The following EML5 variants were observed in gnomAD, a reference collection of about 807,000 sequenced individuals.
The protein encoded by EML5 is EMAP like 5.
EML5 carries 120 observed loss-of-function variants against 250.0 expected under a neutral mutation model. That is an observed-to-expected ratio of 0.48 (90% CI 0.41 to 0.56). The LOEUF (loss-of-function observed/expected upper bound fraction) is 0.56, where lower values mean the gene tolerates loss of function less well. EML5 is among the 20% of genes least tolerant of loss of function. The pLI is 0.00. For synonymous variants in EML5, 771 were observed against 806.5 expected (o/e 0.96, Z 0.75); for missense variants, 2,006 against 2,437.6 (o/e 0.82, Z 3.73).
At chr14:88,726,860 T>A (rs900183308) in intron 7 of EML5, among the ~76,000 whole-genome samples, 182 bp from the exon 8 acceptor site, 1 of 152,204 alleles carries the variant, frequency 6.6e-6, no homozygotes, top group African/African-American at 2.4e-5. Flanking sequence ...CAGAAGTTGA[T>A]AGAATCTTTT....
intron 21 of EML5, among the ~76,000 whole-genome samples, chr14:88,677,327 T>C (rs150202813): frequency 0.044 from 6,652 of 152,220 alleles, 484 homozygotes; most frequent in African/African-American, 0.15. Context: ...GACTTAAATG[T>C]AAAACCCAAA....
At position 88,622,663 on chromosome 14, in the gene EML5, C is replaced by T; in HGVS notation, c.4954G>A (p.Ala1652Thr). The change falls in exon 37 of 44, where the codon GCC (alanine) becomes ACC (threonine). Residue 1652 changes from alanine (A) to threonine (T), a missense_variant. Physicochemically the swap from Ala to Thr is moderately conservative, Grantham distance 58. Around this residue, in one of 7 missense-constraint regions of EML5, gnomAD observed 405 missense variants for 523.3 expected, o/e 0.77. Transcript: ENST00000554922. ...GCTTGTCCTGTCTCAAGCCTGAAGG[C>T]ACGGCACCGCCTCAGTTCCTGATCC... ...LWDQELRRCR[A>T]FRLETGQATD... 6.2e-7 allele frequency: 1 copy of T among 1,611,286 alleles called. No homozygotes were observed. The highest frequency in any genetic ancestry group is 2.2e-5 in the East Asian group (1 of 44,766).
Position 88,702,527 on chromosome 14 carries a change from T to C in EML5, c.2157A>G (p.Thr719=). The C allele has an allele frequency of 6.2e-6, 10 of 1,613,398 alleles. No individual in the cohort carries two copies. The highest frequency in any genetic ancestry group is 1.1e-5 in the South Asian group (1 of 91,006). The change falls in exon 14 of 44, where the codon ACA becomes ACG. Residue 719 remains threonine, a synonymous_variant. Transcript: ENST00000554922. Reference sequence around the variant, plus strand: ...CATCATGACCCAGATAAAAACGCTGTGTGTTTTGCTGTCGATTATAAATGA... The same window carrying C: ...CATCATGACCCAGATAAAAACGCTGCGTGTTTTGCTGTCGATTATAAATGA... ...VGVIYNRQQN[T]QRFYLGHDDD...
At chr14:88,618,465 C>A in intron 40 of EML5, 134 bp from the exon 41 acceptor site, 1 of 1,097,520 alleles carries the variant, frequency 9.1e-7, no homozygotes, top group Non-Finnish European at 1.3e-6. Context: ...AAGATCACTA[C>A]AAAAACTTAA....
chr14:88,779,956 A>T (rs567066547), intron 1 of EML5, among the ~76,000 whole-genome samples: 49 of 149,390 alleles, frequency 3.3e-4, no homozygotes, highest in South Asian at 8.5e-4. Flanking sequence ...CTGAAAAAAA[A>T]TTTTTTTTTT....
rs1185652706 is a variant in EML5, at chr14:88,688,414, T to G, written c.2599A>C (p.Met867Leu). Residue 867 changes from methionine to leucine, a missense_variant, in exon 18 of 44, where the codon ATG (methionine) becomes CTG (leucine). Physicochemically the swap from Met to Leu is conservative, Grantham distance 15 (BLOSUM62 2). Transcript: ENST00000554922. The stretch of plus-strand genomic sequence containing the variant: ...TCAGTCCATCCATACACTGCACACA[T>G]CATTGTGTCATTTTTCCCCAGTGTG... ...IGTLGKNDTM[M>L]CAVYGWTEEM... 2 of 1,614,024 alleles carry G rather than the reference T, an allele frequency of 1.2e-6. No homozygotes were observed. The highest frequency in any genetic ancestry group is 4.5e-5 in the East Asian group (2 of 44,878).
chr14:88,637,840 T>C (rs545813977), intron 32 of EML5, among the ~76,000 whole-genome samples: 1 of 152,346 alleles, frequency 6.6e-6, no homozygotes, highest in East Asian at 1.9e-4. Flanking sequence ...TAGACCTATG[T>C]ATTTATATGC....
chr14:88,685,715 G>A (rs1338646811), intron 19 of EML5, among the ~76,000 whole-genome samples: 1 of 152,020 alleles, frequency 6.6e-6, no homozygotes, highest in Non-Finnish European at 1.5e-5. Context: ...CTCCCAAAGT[G>A]TTGGGATTAC....
intron 24 of EML5, among the ~76,000 whole-genome samples, chr14:88,662,337 TTG>T (rs2092136138): frequency 1.7e-5 from 2 of 115,802 alleles, no homozygotes; most frequent in Non-Finnish European, 3.6e-5. Context: ...ACAATTTTTC[TTG>T]TTTTTTTTTT....
chr14:88,662,287 A>T (rs1192165174), intron 24 of EML5, among the ~76,000 whole-genome samples: 5 of 54,948 alleles, frequency 9.1e-5, no homozygotes, highest in African/African-American at 2.1e-4. Flanking sequence ...GATAAAAAAT[A>T]AAAAAAAAAA....
rs186505612 is a variant in EML5 at position 88,652,518 on chromosome 14, C to T, written c.4005-2592G>A. Among the ~76,000 whole-genome samples the T allele has an allele frequency of 3.3e-5, 5 of 152,288 alleles. No individual in the cohort carries two copies. In the East Asian group the frequency reaches 9.7e-4, roughly 29 times the overall value. On this transcript the variant is annotated intron_variant, in intron 27 of 43. Coordinates refer to ENST00000554922, the MANE Select transcript of EML5 (RefSeq NM_183387.3). ...GTAGTCATTTCTATCTCTCTGAGTTCCAAAATTCTTCAGCACTATCCTAAA... is the reference window on the plus strand; with the variant it reads ...GTAGTCATTTCTATCTCTCTGAGTTTCAAAATTCTTCAGCACTATCCTAAA...
Position 88,658,399 on chromosome 14 carries a change from A to G in EML5, c.3676-11T>C, listed in dbSNP as rs372676042. 7.6e-6 allele frequency: 12 copies of G among 1,568,988 alleles called. No individual in the cohort carries two copies. Among genetic ancestry groups the G allele is most frequent in the Non-Finnish European group, 1.0e-5 (12 of 1,154,236 alleles). On this transcript the variant is annotated splice_polypyrimidine_tract_variant and intron_variant, in intron 25 of 43. Coordinates refer to ENST00000554922, the MANE Select transcript of EML5 (RefSeq NM_183387.3). ...CTTTCCAAATTTCCCCTAAAGAGGA[A>G]GAAAATTCAAACAATCTTTCTGAGA...
rs1024400581 is a variant in EML5 at position 88,756,318 on chromosome 14, T to C, written c.198-1647A>G. 2.6e-5 allele frequency among the ~76,000 whole-genome samples: 4 copies of C among 152,084 alleles called. No homozygotes were observed. In the East Asian group the frequency reaches 5.8e-4, roughly 22 times the overall value. The stretch of plus-strand genomic sequence containing the variant: ...TTGACAAAACCCAATCCCTTCATGA[T>C]AAAAACACATAAACTAGAAACTGAA... On this transcript the variant is annotated intron_variant, in intron 1 of 43. Transcript: ENST00000554922.
intron 20 of EML5, among the ~76,000 whole-genome samples, chr14:88,683,876 C>T (rs538297145): frequency 6.6e-6 from 1 of 152,260 alleles, no homozygotes; most frequent in East Asian, 1.9e-4. Flanking sequence ...AGACTAGATG[C>T]TTTCACTCTA....
At position 88,658,057 on chromosome 14, in the gene EML5, T is replaced by C. The variant is rs969043615; in HGVS notation, c.3877+130A>G. 7 of 891,090 alleles carry C rather than the reference T, an allele frequency of 7.9e-6. No homozygotes were observed. In the African/African-American group the frequency reaches 1.1e-4, roughly 14 times the overall value. The allele number at this position is 891,090 out of a possible 1,614,324, so 55.2% of individuals were successfully genotyped here. The stretch of plus-strand genomic sequence containing the variant: ...TTGAGTCACAAAATGGATTTTGATG[T>C]TAAACAGACTAAAAACAGTACCACT... On this transcript the variant is annotated intron_variant, in intron 26 of 43. Coordinates refer to ENST00000554922, the MANE Select transcript of EML5 (RefSeq NM_183387.3).
chr14:88,643,894 C>T (rs2091208331), intron 30 of EML5, among the ~76,000 whole-genome samples: 2 of 152,116 alleles, frequency 1.3e-5, no homozygotes, highest in Non-Finnish European at 2.9e-5. Context: ...GCCTTGTTTA[C>T]GTTTGATTTA....
chr14:88,670,784 A>G (rs956916980), intron 21 of EML5, among the ~76,000 whole-genome samples: 2 of 152,174 alleles, frequency 1.3e-5, no homozygotes, highest in Non-Finnish European at 2.9e-5. Context: ...ACAAGTATCA[A>G]TAACTGAATA....
intron 33 of EML5, 127 bp from the exon 34 acceptor site, chr14:88,627,946 G>C (rs1341599513): frequency 5.3e-6 from 5 of 936,580 alleles, no homozygotes; most frequent in African/African-American, 1.6e-5. Flanking sequence ...ACTTAACAAA[G>C]AACAGCTCAA....
chr14:88,752,294 T>C (rs1233040719), intron 2 of EML5, among the ~76,000 whole-genome samples: 1 of 152,202 alleles, frequency 6.6e-6, no homozygotes, highest in Non-Finnish European at 1.5e-5. Context: ...ATGTTATAGA[T>C]GCTTATAATT....
Sources: allele counts gnomAD v4.1 joint callset (sites outside exome capture counted in the v4.1 genomes callset), GRCh38; gene constraint gnomAD v4.1.1; regional missense constraint gnomAD v4.1.1; transcripts MANE v1.5; gene names NCBI Gene and HGNC (gene_info 2026-07-23, HGNC 2026-07-21).